Variants in RBM46 observed in about 807,000 individuals in gnomAD.
RBM46 encodes probable RNA-binding protein 46.
Under a neutral mutation model 43.3 loss-of-function variants are expected in RBM46, and 12 were observed. That is an observed-to-expected ratio of 0.28 (90% CI 0.18 to 0.45). The LOEUF is 0.45. Among genes scored for constraint, RBM46 ranks in the 20% least tolerant of loss-of-function variants. The probability of loss-of-function intolerance (pLI) is 1.00; values close to 1 mark genes in which losing one functional copy is unlikely to be tolerated. For missense variants in RBM46, 412 were observed against 639.1 expected (o/e 0.64, Z 3.83); for synonymous variants, 205 against 207.6 (o/e 0.99, Z 0.11).
chr4:154,805,005 G>A (rs1027538035), intron 4 of RBM46, among the ~76,000 whole-genome samples: 1 of 151,990 alleles, frequency 6.6e-6, no homozygotes, highest in Non-Finnish European at 1.5e-5. Flanking sequence ...AGAGGAAAAA[G>A]GTATGCTTCC....
At chr4:154,783,883 C>T (rs1017572594) in intron 1 of RBM46, among the ~76,000 whole-genome samples, 2 of 152,142 alleles carry the variant, frequency 1.3e-5, no homozygotes, top group Non-Finnish European at 2.9e-5. Context: ...TAATTTTAGA[C>T]TTCCATGTCC....
chr4:154,789,377 G>C (rs1483952103), intron 1 of RBM46, among the ~76,000 whole-genome samples: 2 of 152,114 alleles, frequency 1.3e-5, no homozygotes, highest in Non-Finnish European at 2.9e-5. Flanking sequence ...AGAGTTTTTA[G>C]CATGGAGGGC....
At chr4:154,814,841 C>G (rs1051698790) in intron 4 of RBM46, among the ~76,000 whole-genome samples, 2 of 150,258 alleles carry the variant, frequency 1.3e-5, no homozygotes, top group African/African-American at 5.0e-5. Flanking sequence ...TCCCCTCCCC[C>G]CCTTTTTTTT....
intron 4 of RBM46, chr4:154,827,619 C>A (rs1162931733): frequency 2.4e-6 from 3 of 1,249,104 alleles, no homozygotes; most frequent in East Asian, 7.1e-5. Flanking sequence ...TAGTAGATAT[C>A]CAAGAATTCA....
chr4:154,790,779 T>A (rs894043552), intron 1 of RBM46, among the ~76,000 whole-genome samples: 1 of 152,140 alleles, frequency 6.6e-6, no homozygotes, highest in Non-Finnish European at 1.5e-5. Context: ...GCGGGAAAAA[T>A]TAGCCATTTC....
At chr4:154,788,583 A>C (rs1188652523) in intron 1 of RBM46, among the ~76,000 whole-genome samples, 1 of 152,172 alleles carries the variant, frequency 6.6e-6, no homozygotes, top group African/African-American at 2.4e-5. Flanking sequence ...TGTTTTGGTT[A>C]CTGTGGCCTT....
At chr4:154,808,279 A>G (rs897930538) in intron 4 of RBM46, among the ~76,000 whole-genome samples, 1 of 152,050 alleles carries the variant, frequency 6.6e-6, no homozygotes, top group Non-Finnish European at 1.5e-5. Flanking sequence ...TTTATAGAGT[A>G]GATAAATCTT....
intron 1 of RBM46, among the ~76,000 whole-genome samples, chr4:154,792,833 C>G (rs1183889524): frequency 6.6e-6 from 1 of 152,108 alleles, no homozygotes; most frequent in East Asian, 1.9e-4. Flanking sequence ...AGAAATGAAG[C>G]TGGAGGAAGA....
intron 4 of RBM46, among the ~76,000 whole-genome samples, chr4:154,808,090 A>C (rs1734994745): frequency 6.6e-6 from 1 of 152,062 alleles, no homozygotes. Context: ...AAAGTATATA[A>C]GAGTACAATC....
chr4:154,821,904 A>G (rs1268733220), intron 4 of RBM46, among the ~76,000 whole-genome samples: 1 of 151,736 alleles, frequency 6.6e-6, no homozygotes, highest in African/African-American at 2.4e-5. Context: ...CATCCTAGGT[A>G]ATTGAGGTAG....
intron 4 of RBM46, among the ~76,000 whole-genome samples, chr4:154,823,022 C>T (rs1433997433): frequency 6.6e-6 from 1 of 151,652 alleles, no homozygotes; most frequent in African/African-American, 2.4e-5. Flanking sequence ...TTGAAACAAC[C>T]CAAATACCTA....
At chr4:154,804,103 C>CAA (rs1381142219) in intron 4 of RBM46, among the ~76,000 whole-genome samples, 1 of 152,174 alleles carries the variant, frequency 6.6e-6, no homozygotes, top group East Asian at 1.9e-4. Context: ...GAGGCCTTCC[C>CAA]AGTAGCCTAG....
intron 1 of RBM46, among the ~76,000 whole-genome samples, chr4:154,793,221 A>T (rs539012425): frequency 5.4e-4 from 82 of 152,164 alleles, no homozygotes; most frequent in Non-Finnish European, 1.0e-3. Flanking sequence ...GCTTCATAAC[A>T]TTCCCTGTAT....
At chr4:154,784,219 C>T (rs1733648260) in intron 1 of RBM46, among the ~76,000 whole-genome samples, 1 of 152,128 alleles carries the variant, frequency 6.6e-6, no homozygotes, top group Non-Finnish European at 1.5e-5. Flanking sequence ...TGTTCTCTTT[C>T]ACAGCTTTCT....
At chr4:154,811,896 G>T (rs1735200200) in intron 4 of RBM46, among the ~76,000 whole-genome samples, 1 of 152,050 alleles carries the variant, frequency 6.6e-6, no homozygotes, top group Non-Finnish European at 1.5e-5. Flanking sequence ...GGCCAGGCTG[G>T]TCACTAATTC....
At chr4:154,827,536 A>AT in intron 4 of RBM46, 1 of 1,057,988 alleles carries the variant, frequency 9.5e-7, no homozygotes, top group Non-Finnish European at 1.1e-6. Context: ...TTAGAACCAA[A>AT]TTTAAAAGAA....
At chr4:154,791,108 T>A (rs1734069283) in intron 1 of RBM46, among the ~76,000 whole-genome samples, 1 of 152,190 alleles carries the variant, frequency 6.6e-6, no homozygotes, top group African/African-American at 2.4e-5. Context: ...TTCCCATGGT[T>A]CTGTAGAAAC....
rs1004447443 is a variant in RBM46, at chr4:154,799,041, A to G, written c.879A>G (p.Gly293=). Residue 293 remains glycine (G), a synonymous_variant, in exon 4 of 5, where the codon GGA becomes GGG. Transcript: ENST00000281722. ...DAVAAMSVMN[G]KCIDGASIEV... ...TGGCTGCCATGTCTGTTATGAATGGAAAATGCATTGATGGAGCAAGTATTG... is the reference window on the plus strand; with the variant it reads ...TGGCTGCCATGTCTGTTATGAATGGGAAATGCATTGATGGAGCAAGTATTG... The G allele has an allele frequency of 6.2e-7, 1 of 1,614,120 alleles. No homozygotes were observed. The highest frequency in any genetic ancestry group is 1.3e-5 in the African/African-American group (1 of 75,026).
chr4:154,806,528 A>T (rs1734913741), intron 4 of RBM46, among the ~76,000 whole-genome samples: 1 of 151,832 alleles, frequency 6.6e-6, no homozygotes, highest in African/African-American at 2.4e-5. Context: ...GCAGAGATAC[A>T]TATTTGAGTA....
Sources: gnomAD v4.1 joint callset for allele counts (sites outside exome capture counted in the v4.1 genomes callset) on GRCh38, gnomAD v4.1.1 for gene constraint, MANE v1.5 for transcripts, NCBI Gene and HGNC (gene_info 2026-07-23, HGNC 2026-07-21) for gene names.